The following NFIB variants were observed in gnomAD, a reference collection of about 807,000 sequenced individuals.
NFIB encodes nuclear factor 1 B-type.
A neutral mutation model predicts 61.5 loss-of-function variants in NFIB; 11 were observed. The observed-to-expected ratio is 0.18, with a 90% confidence interval of 0.11 to 0.30. The LOEUF (loss-of-function observed/expected upper bound fraction) is 0.30. Among genes scored for constraint, NFIB ranks in the 10% least tolerant of loss-of-function variants. The pLI is 1.00. For synonymous variants in NFIB, 260 were observed against 216.5 expected (o/e 1.20, Z -1.76); for missense variants, 471 against 608.9 (o/e 0.77, Z 2.38).
intron 1 of NFIB, among the ~76,000 whole-genome samples, chr9:14,348,000 T>C (rs2061053977): frequency 6.6e-6 from 1 of 152,134 alleles, no homozygotes; most frequent in African/African-American, 2.4e-5. Context: ...ACGTTGGTGC[T>C]AGCGATCCGA....
Position 14,398,800 on chromosome 9 carries a change from C to T in NFIB, c.-169G>A. On this transcript the variant is annotated 5_prime_UTR_variant, in exon 1 of 9. Transcript: ENST00000380934. ...GGGTGACTGATGGATCTTTATGGAGCAGAGCAAGCTGTTAAAAACAAAATA... is the reference window on the plus strand; with the variant it reads ...GGGTGACTGATGGATCTTTATGGAGTAGAGCAAGCTGTTAAAAACAAAATA... The T allele has an allele frequency of 5.6e-6, 3 of 539,754 alleles. No individual in the cohort carries two copies. In the South Asian group the frequency reaches 7.8e-5, roughly 14 times the overall value. 33.4% of individuals were successfully genotyped at this position (539,754 alleles called of 1,614,324 possible).
At chr9:14,502,872 G>A in the NFIB span, among the ~76,000 whole-genome samples, 8 of 151,896 alleles carry the variant, frequency 5.3e-5, 1 homozygote, top group East Asian at 1.9e-4. Flanking sequence ...TAGTATTTTC[G>A]CCCTCACTCC....
the NFIB span, among the ~76,000 whole-genome samples, chr9:14,471,974 C>A: frequency 6.6e-6 from 1 of 152,196 alleles, no homozygotes; most frequent in Non-Finnish European, 1.5e-5. Flanking sequence ...CATCTCCGAC[C>A]TGCAGGTTAT....
intron 1 of NFIB, among the ~76,000 whole-genome samples, chr9:14,371,453 G>C (rs534920019): frequency 6.6e-6 from 1 of 152,296 alleles, no homozygotes; most frequent in East Asian, 1.9e-4. Flanking sequence ...AGGGGCTATA[G>C]GATCTCATTC....
rs946795891 is a variant in NFIB, at chr9:14,187,049, G to A, written c.563-7269C>T. ...TGTATGTGTGTGTGTGTGTGTGTGT[G>A]TGTGTGTGTGTGTGTGTGTGTGTGC... On this transcript the variant is annotated intron_variant, in intron 2 of 10. Coordinates refer to ENST00000380953, the MANE Select transcript of NFIB (RefSeq NM_001190737.2). 1.2e-3 allele frequency among the ~76,000 whole-genome samples: 179 copies of A among 148,948 alleles called. 4 individuals are homozygous for A. The highest frequency in any genetic ancestry group is 0.01 in the Middle Eastern group (3 of 292).
the NFIB span, among the ~76,000 whole-genome samples, chr9:14,435,446 G>A: frequency 5.9e-4 from 90 of 152,294 alleles, no homozygotes; most frequent in Non-Finnish European, 9.0e-4. Context: ...GGGGCAACTT[G>A]GGCTGCTTAT....
intron 2 of NFIB, among the ~76,000 whole-genome samples, chr9:14,246,085 A>G (rs528612005): frequency 1.3e-5 from 2 of 151,536 alleles, no homozygotes; most frequent in East Asian, 1.9e-4. Context: ...TGAGAATTAG[A>G]GAGGAAAAGG....
upstream of NFIB, among the ~76,000 whole-genome samples, chr9:14,315,366 GC>G (rs2060493516): frequency 6.6e-6 from 1 of 150,758 alleles, no homozygotes; most frequent in Non-Finnish European, 1.5e-5. Flanking sequence ...CGCCGCCGCC[GC>G]CTCTTGCTCC....
At chr9:14,276,997 T>C (rs1324545969) in intron 2 of NFIB, among the ~76,000 whole-genome samples, 1 of 152,186 alleles carries the variant, frequency 6.6e-6, no homozygotes, top group East Asian at 1.9e-4. Context: ...AGAACTTTTC[T>C]TGTACTGAAC....
At chr9:14,134,913 A>AAAAAAAAAAAG (rs1011872669) in intron 6 of NFIB, among the ~76,000 whole-genome samples, 10,174 of 132,042 alleles carry the variant, frequency 0.077, 596 homozygotes, top group South Asian at 0.18. Flanking sequence ...AAAAAAAAAA[A>AAAAAAAAAAAG]AAAAAAAGGA....
intron 3 of NFIB, among the ~76,000 whole-genome samples, chr9:14,173,006 G>T: frequency 6.6e-6 from 1 of 152,140 alleles, no homozygotes; most frequent in East Asian, 1.9e-4. Flanking sequence ...CTGACCTTGT[G>T]ATCTGCCCGC....
At chr9:14,495,357 A>G in the NFIB span, among the ~76,000 whole-genome samples, 1 of 151,704 alleles carries the variant, frequency 6.6e-6, no homozygotes, top group South Asian at 2.1e-4. Context: ...CAACATATCT[A>G]CGGGGATTTC....
the NFIB span, among the ~76,000 whole-genome samples, chr9:14,427,200 A>G: frequency 6.6e-6 from 1 of 152,334 alleles, no homozygotes; most frequent in African/African-American, 2.4e-5. Flanking sequence ...CTATGGAGGC[A>G]AAGATAATAC....
Position 14,088,174 on chromosome 9 carries a change from C to G in NFIB, c.*135G>C, listed in dbSNP as rs534134850. 2.1e-4 allele frequency: 300 copies of G among 1,453,612 alleles called. 1 individual carries two copies. The highest frequency in any genetic ancestry group is 1.2e-3 in the South Asian group (81 of 68,544). The allele number at this position is 1,453,612 out of a possible 1,614,324, so 90.0% of individuals were successfully genotyped here. On this transcript the variant is annotated 3_prime_UTR_variant, in exon 11 of 11. Transcript: ENST00000380953. ...TTATTTAAAAAAAAAATTTCTTAAA[C>G]TATTGTTGTGTTTCTTTTTCCCTCA... is the stretch of plus-strand genomic sequence containing the variant.
At chr9:14,144,984 G>A (rs999751167) in intron 6 of NFIB, among the ~76,000 whole-genome samples, 4 of 152,158 alleles carry the variant, frequency 2.6e-5, no homozygotes, top group Admixed American at 6.5e-5. Flanking sequence ...TTTCCTGAGA[G>A]CAGTGGGAAT....
At chr9:14,292,059 T>C (rs1319084071) in intron 2 of NFIB, among the ~76,000 whole-genome samples, 1 of 152,248 alleles carries the variant, frequency 6.6e-6, no homozygotes, top group East Asian at 1.9e-4. Flanking sequence ...TTAATTTATC[T>C]TAATTACAAA....
chr9:14,406,762 T>C, the NFIB span, among the ~76,000 whole-genome samples: 2 of 152,238 alleles, frequency 1.3e-5, no homozygotes, highest in Non-Finnish European at 2.9e-5. Context: ...TGTCTCCACT[T>C]GCTCTTTTCC....
chr9:14,315,004 C>T (rs1369149070), upstream of NFIB, among the ~76,000 whole-genome samples: 1 of 151,944 alleles, frequency 6.6e-6, no homozygotes. Context: ...CAGGCCGCCC[C>T]CAGGCCGGGG....
chr9:14,274,251 T>TACAC (rs71321975), intron 2 of NFIB, among the ~76,000 whole-genome samples: 9,023 of 123,826 alleles, frequency 0.073, 459 homozygotes, highest in Middle Eastern at 0.17. Context: ...TCTTCCTCCC[T>TACAC]ACACACACAC....
Sources: gnomAD v4.1 joint callset for allele counts (sites outside exome capture counted in the v4.1 genomes callset) on GRCh38, gnomAD v4.1.1 for gene constraint, MANE v1.5 for transcripts, NCBI Gene and HGNC (gene_info 2026-07-23, HGNC 2026-07-21) for gene names.